The following SCMH1 variants were observed in gnomAD, a reference collection of about 807,000 sequenced individuals.
The protein encoded by SCMH1 is Scm polycomb group protein homolog 1.
A neutral mutation model predicts 70.8 loss-of-function variants in SCMH1; 37 were observed. That is an observed-to-expected ratio of 0.52 (90% CI 0.40 to 0.69). The LOEUF is 0.69. Among genes scored for constraint, SCMH1 ranks in the 30% least tolerant of loss-of-function variants. SCMH1 has a pLI of 0.00. For synonymous variants in SCMH1, 292 were observed against 307.4 expected (o/e 0.95, Z 0.52); for missense variants, 607 against 827.3 (o/e 0.73, Z 3.27).
At chr1:41,057,242 G>T (rs1184108031) in intron 10 of SCMH1, among the ~76,000 whole-genome samples, 1 of 151,676 alleles carries the variant, frequency 6.6e-6, no homozygotes, top group Non-Finnish European at 1.5e-5. Flanking sequence ...TATTTACCAT[G>T]TTTTTTTTGT....
chr1:41,238,033 G>T (rs1662748756), intron 1 of SCMH1, among the ~76,000 whole-genome samples: 1 of 152,192 alleles, frequency 6.6e-6, no homozygotes, highest in African/African-American at 2.4e-5. Flanking sequence ...GATATCCTAT[G>T]AAGTATAAAT....
At chr1:41,066,557 T>C (rs2144789) in intron 10 of SCMH1, among the ~76,000 whole-genome samples, 11,888 of 152,228 alleles carry the variant, frequency 0.078, 598 homozygotes, top group South Asian at 0.12. Context: ...TGAAATGCTT[T>C]TAGTCAGCCA....
intron 1 of SCMH1, among the ~76,000 whole-genome samples, chr1:41,194,967 A>G (rs1652643099): frequency 6.6e-6 from 1 of 151,968 alleles, no homozygotes; most frequent in African/African-American, 2.4e-5. Flanking sequence ...CCCCATCTCT[A>G]CTAAAAATAC....
intron 1 of SCMH1, among the ~76,000 whole-genome samples, chr1:41,231,761 G>A (rs1240297333): frequency 1.3e-5 from 2 of 152,096 alleles, no homozygotes; most frequent in Non-Finnish European, 2.9e-5. Context: ...GGTGGCTCAC[G>A]CCTGTAATCC....
chr1:41,132,008 A>T (rs1261242901), intron 6 of SCMH1, among the ~76,000 whole-genome samples: 1 of 152,180 alleles, frequency 6.6e-6, no homozygotes, highest in Non-Finnish European at 1.5e-5. Context: ...CAATAAATAT[A>T]TGTGTGCATG....
intron 12 of SCMH1, among the ~76,000 whole-genome samples, chr1:41,042,496 T>C (rs954705789): frequency 6.6e-6 from 1 of 152,124 alleles, no homozygotes; most frequent in East Asian, 1.9e-4. Context: ...TGATCCACTT[T>C]TGGCCTCCCA....
At chr1:41,096,993 A>G (rs1665257482) in intron 8 of SCMH1, among the ~76,000 whole-genome samples, 1 of 152,222 alleles carries the variant, frequency 6.6e-6, no homozygotes, top group African/African-American at 2.4e-5. Flanking sequence ...GTTCTGCTCC[A>G]GTTTTGGCAA....
At chr1:41,242,277 T>C (rs1439633517), upstream of SCMH1, 1 of 104,944 alleles carries the variant, frequency 9.5e-6, no homozygotes, top group Admixed American at 9.9e-5. This position sits in a 1 kb window ranked among gnomAD's most constrained non-coding sequence, Gnocchi z 5.2. Context: ...CGCTGCGAGG[T>C]GGCGCGCGCC....
intron 6 of SCMH1, among the ~76,000 whole-genome samples, chr1:41,138,734 A>G (rs1314575931): frequency 1.3e-5 from 2 of 152,158 alleles, no homozygotes; most frequent in Non-Finnish European, 1.5e-5. Flanking sequence ...ATATCTGCCA[A>G]GACTTGTTTA....
At chr1:41,057,795 TAAAA>T (rs747094250) in intron 10 of SCMH1, among the ~76,000 whole-genome samples, 3 of 150,164 alleles carry the variant, frequency 2.0e-5, no homozygotes, top group African/African-American at 2.5e-5. Context: ...CAAGAAAAAA[TAAAA>T]AAGAAACACC....
intron 8 of SCMH1, among the ~76,000 whole-genome samples, chr1:41,080,722 T>C (rs1558699448): frequency 6.6e-6 from 1 of 152,142 alleles, no homozygotes; most frequent in East Asian, 1.9e-4. Context: ...TCAACATCCA[T>C]TCATGATAAA....
At chr1:41,098,065 A>G (rs1264658575) in intron 8 of SCMH1, among the ~76,000 whole-genome samples, 1 of 152,168 alleles carries the variant, frequency 6.6e-6, no homozygotes, top group Non-Finnish European at 1.5e-5. Flanking sequence ...CACAAATCCC[A>G]ATAAGTTCTA....
At chr1:41,192,244 T>G (rs1572958084) in intron 1 of SCMH1, among the ~76,000 whole-genome samples, 1 of 152,190 alleles carries the variant, frequency 6.6e-6, no homozygotes, top group East Asian at 1.9e-4. Context: ...GATAGTACAT[T>G]TCCCAATTAC....
chr1:41,192,816 A>G (rs1652054230), intron 1 of SCMH1, among the ~76,000 whole-genome samples: 1 of 152,078 alleles, frequency 6.6e-6, no homozygotes, highest in Non-Finnish European at 1.5e-5. Context: ...TTGCATTATG[A>G]TGCACACTTA....
At chr1:41,221,500 A>G (rs1416832281) in intron 1 of SCMH1, among the ~76,000 whole-genome samples, 1 of 152,044 alleles carries the variant, frequency 6.6e-6, no homozygotes, top group Non-Finnish European at 1.5e-5. Flanking sequence ...AAAAACAAAA[A>G]AAAAAGAGGA....
upstream of SCMH1, chr1:41,242,241 T>G (rs982850046): frequency 9.3e-6 from 1 of 107,096 alleles, no homozygotes. The surrounding 1 kb of genome is among the most constrained non-coding windows in gnomAD (Gnocchi z 5.2). Context: ...GGGCGGGGGC[T>G]CCCCCGGCCC....
intron 8 of SCMH1, 63 bp from the exon 9 acceptor site, chr1:41,075,514 G>T: frequency 7.1e-7 from 1 of 1,404,698 alleles, no homozygotes; most frequent in Non-Finnish European, 9.9e-7. Context: ...CCAGCCAGAA[G>T]AAAAAAAGGA....
chr1:41,037,620 C>G (rs571551493), intron 12 of SCMH1, 79 bp from the exon 13 acceptor site: 114 of 1,263,542 alleles, frequency 9.0e-5, no homozygotes, highest in Non-Finnish European at 1.2e-4. Flanking sequence ...TTGAGTGGAG[C>G]AAGCAGCAAC....
At chr1:41,036,601 C>T (rs1221511282) in intron 13 of SCMH1, among the ~76,000 whole-genome samples, 4 of 152,202 alleles carry the variant, frequency 2.6e-5, no homozygotes, top group Non-Finnish European at 5.9e-5. Flanking sequence ...ATGCTCAACA[C>T]AGTAGTCAAT....
Sources: allele counts gnomAD v4.1 joint callset (sites outside exome capture counted in the v4.1 genomes callset), GRCh38; gene constraint gnomAD v4.1.1; non-coding constraint Gnocchi (gnomAD v3.1); transcripts MANE v1.5; gene names NCBI Gene and HGNC (gene_info 2026-07-23, HGNC 2026-07-21).